HOMER2: variants seen among roughly 807,000 people sequenced by gnomAD.
The protein encoded by HOMER2 is homer protein homolog 2.
A neutral mutation model predicts 47.0 loss-of-function variants in HOMER2; 27 were observed. That is an observed-to-expected ratio of 0.57 (90% CI 0.42 to 0.79). HOMER2 has a LOEUF of 0.79. Among genes scored for constraint, HOMER2 ranks in the 30% least tolerant of loss-of-function variants. HOMER2 has a pLI of 0.00. For synonymous variants in HOMER2, 161 were observed against 163.8 expected, an observed-to-expected ratio of 0.98 and a Z score of 0.13; for missense variants, 443 against 435.0, an observed-to-expected ratio of 1.02 and a Z score of -0.16.
intron 2 of HOMER2, among the ~76,000 whole-genome samples, chr15:82,878,620 A>G (rs2052427550): frequency 6.6e-6 from 1 of 152,096 alleles, no homozygotes; most frequent in Admixed American, 6.6e-5. Flanking sequence ...CCAATTACAG[A>G]CATGCTAGGT....
Position 82,973,900 on chromosome 15 carries a change from T to C in HOMER2, n.82+11887A>G, listed in dbSNP as rs191261236. On this transcript the variant is annotated intron_variant and non_coding_transcript_variant, in intron 1 of 1. Coordinates refer to the HOMER2 transcript ENST00000500334. The stretch of plus-strand genomic sequence containing the variant: ...GGTCAACATGCTGAAACACTGTCTC[T>C]ACTAAAAATACAAAAATTAGCCAGG... Among the ~76,000 whole-genome samples, 10 of 152,056 alleles carry C rather than the reference T, an allele frequency of 6.6e-5. No individual in the cohort carries two copies. The East Asian group carries it at 1.9e-3, about 29-fold the overall frequency.
chr15:82,902,752 G>A (rs925934588), intron 1 of HOMER2, among the ~76,000 whole-genome samples: 2 of 152,076 alleles, frequency 1.3e-5, no homozygotes, highest in Non-Finnish European at 2.9e-5. Flanking sequence ...ACTAGATACG[G>A]TTTTTTAAAG....
intron 2 of HOMER2, among the ~76,000 whole-genome samples, chr15:82,879,692 G>A (rs2052462579): frequency 6.6e-6 from 1 of 152,176 alleles, no homozygotes. Flanking sequence ...GTTGCTGACT[G>A]ATCAGGGTGG....
chr15:82,897,706 G>A (rs918272574), intron 1 of HOMER2, among the ~76,000 whole-genome samples: 12 of 152,170 alleles, frequency 7.9e-5, no homozygotes, highest in African/African-American at 2.9e-4. Flanking sequence ...CACCTTACAA[G>A]GAAATGAGGA....
chr15:82,910,885 G>A (rs760269010), intron 1 of HOMER2, among the ~76,000 whole-genome samples: 32 of 152,230 alleles, frequency 2.1e-4, no homozygotes, highest in Non-Finnish European at 3.7e-4. Context: ...TTAAACAAGA[G>A]GAAGGCTGCT....
At chr15:82,899,069 G>C (rs1867230433) in intron 1 of HOMER2, among the ~76,000 whole-genome samples, 1 of 152,164 alleles carries the variant, frequency 6.6e-6, no homozygotes, top group South Asian at 2.1e-4. Flanking sequence ...AGCTGCAAAG[G>C]CTTCCCTGGC....
chr15:82,847,930 C>G (rs918069863), downstream of HOMER2, among the ~76,000 whole-genome samples: 1 of 152,170 alleles, frequency 6.6e-6, no homozygotes, highest in Non-Finnish European at 1.5e-5. Flanking sequence ...CCGTCTGGAG[C>G]TCTGGGGAAA....
intron 3 of HOMER2, among the ~76,000 whole-genome samples, chr15:82,873,437 T>C (rs1231731495): frequency 1.3e-5 from 2 of 152,152 alleles, no homozygotes; most frequent in African/African-American, 2.4e-5. Flanking sequence ...GCAACAGTGA[T>C]TGCCATAGGA....
chr15:82,896,854 A>G (rs934549764), intron 1 of HOMER2, among the ~76,000 whole-genome samples: 1 of 152,160 alleles, frequency 6.6e-6, no homozygotes, highest in Non-Finnish European at 1.5e-5. Flanking sequence ...GATATTTCAA[A>G]AAAAGGCAAA....
chr15:82,835,626 T>C (rs1382448617), downstream of HOMER2: 2 of 152,406 alleles, frequency 1.3e-5, no homozygotes, highest in Non-Finnish European at 2.9e-5. Context: ...AACTCCTGTG[T>C]ATGAATGAAT....
chr15:82,865,835 T>C (rs1383489863), intron 3 of HOMER2, among the ~76,000 whole-genome samples: 1 of 152,194 alleles, frequency 6.6e-6, no homozygotes, highest in South Asian at 2.1e-4. Context: ...AAGTCAAGAA[T>C]TGAGGTTTGG....
intron 1 of HOMER2, among the ~76,000 whole-genome samples, chr15:82,939,511 A>G (rs559982734): frequency 2.0e-5 from 3 of 152,338 alleles, no homozygotes; most frequent in Admixed American, 2.0e-4. Context: ...TACTAAAAAT[A>G]CAAAAAAAAT....
chr15:82,860,191 G>A (rs543901754), intron 4 of HOMER2, among the ~76,000 whole-genome samples: 2 of 152,222 alleles, frequency 1.3e-5, no homozygotes, highest in Non-Finnish European at 2.9e-5. Context: ...AGCTGAGATC[G>A]TGCCACTGCA....
intron 1 of HOMER2, among the ~76,000 whole-genome samples, chr15:82,906,526 G>T (rs542932561): frequency 2.0e-5 from 3 of 151,324 alleles, no homozygotes; most frequent in East Asian, 3.9e-4. Flanking sequence ...TCCGCCTCCC[G>T]GGTTCAAGTG....
Position 82,839,130 on chromosome 15 carries a change from G to C in HOMER2, c.*8144C>G, listed in dbSNP as rs142830412. ...AAACCAAAATCTTATCTGGTGGAAT[G>C]AGTCTCTGAGATTAGCTTTTACCCC... On this transcript the variant is annotated 3_prime_UTR_variant, in exon 2 of 2. Coordinates refer to the HOMER2 transcript ENST00000558090. 1.8e-4 allele frequency: 28 copies of C among 152,234 alleles called. No individual in the cohort carries two copies. In the East Asian group the frequency reaches 5.2e-3, roughly 28 times the overall value. 9.4% of individuals were successfully genotyped at this position (152,234 alleles called of 1,614,324 possible).
At chr15:82,858,976 A>G (rs1226390939) in intron 5 of HOMER2, 53 bp downstream of exon 5, 4 of 1,576,160 alleles carry the variant, frequency 2.5e-6, no homozygotes, top group Non-Finnish European at 3.5e-6. Flanking sequence ...AAAGGCTTCT[A>G]GGGAAGTGCT....
intron 1 of HOMER2, among the ~76,000 whole-genome samples, chr15:82,944,441 C>A (rs190412797): frequency 1.3e-5 from 2 of 152,314 alleles, no homozygotes; most frequent in Non-Finnish European, 2.9e-5. Context: ...CACAATGCTT[C>A]TTTTTGCTCA....
At chr15:82,920,113 A>G (rs2053690459) in intron 1 of HOMER2, among the ~76,000 whole-genome samples, 2 of 152,182 alleles carry the variant, frequency 1.3e-5, no homozygotes, top group African/African-American at 2.4e-5. Context: ...AGGCCCATTC[A>G]TAGCCATCTG....
chr15:82,943,206 T>C (rs2151222214), intron 1 of HOMER2, among the ~76,000 whole-genome samples: 1 of 152,268 alleles, frequency 6.6e-6, no homozygotes, highest in Non-Finnish European at 1.5e-5. Flanking sequence ...CCTCAATCAT[T>C]TAATAGATGA....
Sources: allele counts gnomAD v4.1 joint callset (sites outside exome capture counted in the v4.1 genomes callset), GRCh38; gene constraint gnomAD v4.1.1; transcripts MANE v1.5; gene names NCBI Gene and HGNC (gene_info 2026-07-23, HGNC 2026-07-21).